Variants in PTPRD observed in about 807,000 individuals in gnomAD.
PTPRD encodes receptor-type tyrosine-protein phosphatase delta.
Under a neutral mutation model 214.5 loss-of-function variants are expected in PTPRD, and 34 were observed. The ratio of observed to expected loss-of-function variants is 0.16; its 90% CI spans 0.12 to 0.21. PTPRD has a LOEUF of 0.21. PTPRD is among the 10% of genes least tolerant of loss of function. The pLI, the probability that PTPRD is intolerant of heterozygous loss-of-function variation, is 1.00. For missense variants in PTPRD, 2,545 were observed against 2,398.7 expected, an observed-to-expected ratio of 1.06 and a Z score of -1.27; for synonymous variants, 1,128 against 845.7, an observed-to-expected ratio of 1.33 and a Z score of -5.79.
intron 2 of PTPRD, among the ~76,000 whole-genome samples, chr9:10,543,329 C>A (rs2059525461): frequency 6.6e-6 from 1 of 151,892 alleles, no homozygotes; most frequent in South Asian, 2.1e-4. Flanking sequence ...TCGGAGACAC[C>A]TTTATAACAA....
intron 3 of PTPRD, among the ~76,000 whole-genome samples, chr9:10,138,934 T>G (rs182406916): frequency 8.3e-4 from 126 of 152,028 alleles, no homozygotes; most frequent in Non-Finnish European, 1.6e-3. Context: ...AACCTATAGC[T>G]AATATCACAC....
At chr9:10,579,643 T>G (rs2070952189) in intron 2 of PTPRD, among the ~76,000 whole-genome samples, 1 of 152,194 alleles carries the variant, frequency 6.6e-6, no homozygotes, top group Non-Finnish European at 1.5e-5. Flanking sequence ...GTAATGGGAT[T>G]GCTGGGTCAA....
At chr9:9,379,885 A>C (rs921449676) in intron 9 of PTPRD, among the ~76,000 whole-genome samples, 1 of 151,948 alleles carries the variant, frequency 6.6e-6, no homozygotes, top group African/African-American at 2.4e-5. Flanking sequence ...AACCTTGTAT[A>C]TGGAATCTTG....
At chr9:9,734,847 G>C (rs972784372) in intron 6 of PTPRD, among the ~76,000 whole-genome samples, 1 of 151,988 alleles carries the variant, frequency 6.6e-6, no homozygotes, top group East Asian at 1.9e-4. Flanking sequence ...TAATTATTTG[G>C]TTAATTCTTT....
At chr9:9,852,639 TTATAAA>T (rs1467534256) in intron 5 of PTPRD, among the ~76,000 whole-genome samples, 1 of 152,152 alleles carries the variant, frequency 6.6e-6, no homozygotes, top group African/African-American at 2.4e-5. Flanking sequence ...TATATTGTCT[TTATAAA>T]TAAGATAAAG....
At chr9:9,902,790 C>G (rs1444914751) in intron 5 of PTPRD, among the ~76,000 whole-genome samples, 2 of 152,066 alleles carry the variant, frequency 1.3e-5, no homozygotes, top group African/African-American at 2.4e-5. Flanking sequence ...TGAGCTAGAG[C>G]TCATCTTTCA....
intron 3 of PTPRD, among the ~76,000 whole-genome samples, chr9:10,204,473 T>C (rs2099456217): frequency 6.6e-6 from 1 of 152,182 alleles, no homozygotes; most frequent in Admixed American, 6.5e-5. Context: ...TTCCAGTGAA[T>C]GGAATTTCCG....
At chr9:9,183,720 C>A (rs2099929625) in intron 9 of PTPRD, among the ~76,000 whole-genome samples, 1 of 151,988 alleles carries the variant, frequency 6.6e-6, no homozygotes, top group African/African-American at 2.4e-5. Flanking sequence ...TTGCATCCTA[C>A]AATTACATAA....
intron 5 of PTPRD, among the ~76,000 whole-genome samples, chr9:9,915,284 C>G (rs374985633): frequency 1.3e-5 from 2 of 151,772 alleles, no homozygotes; most frequent in East Asian, 3.9e-4. Flanking sequence ...TACTTTTCTA[C>G]CAAATGCATG....
intron 4 of PTPRD, among the ~76,000 whole-genome samples, chr9:9,975,225 A>T (rs570741555): frequency 8.6e-5 from 13 of 152,044 alleles, no homozygotes; most frequent in East Asian, 1.9e-4. Flanking sequence ...ATATCCATGG[A>T]CTCCTTTATT....
At chr9:10,540,535 T>C (rs2058871524) in intron 2 of PTPRD, among the ~76,000 whole-genome samples, 1 of 152,232 alleles carries the variant, frequency 6.6e-6, no homozygotes, top group Admixed American at 6.5e-5. Flanking sequence ...TTGGAGTTTT[T>C]AACCAATATT....
chr9:10,316,445 G>A (rs562294896), intron 3 of PTPRD, among the ~76,000 whole-genome samples: 1 of 151,712 alleles, frequency 6.6e-6, no homozygotes, highest in South Asian at 2.1e-4. Flanking sequence ...GCATGAGTGG[G>A]TTATGTATTA....
intron 9 of PTPRD, among the ~76,000 whole-genome samples, chr9:9,186,355 G>A (rs1360298117): frequency 6.6e-6 from 1 of 152,026 alleles, no homozygotes; most frequent in Non-Finnish European, 1.5e-5. Flanking sequence ...GCGAAGATCT[G>A]TCCATGGTGG....
At chr9:9,088,757 T>C (rs993780339) in intron 10 of PTPRD, among the ~76,000 whole-genome samples, 5 of 152,088 alleles carry the variant, frequency 3.3e-5, no homozygotes, top group African/African-American at 1.2e-4. Flanking sequence ...TTAGTATTTG[T>C]GGAGGCTCTG....
intron 8 of PTPRD, among the ~76,000 whole-genome samples, chr9:9,564,959 T>A (rs914381245): frequency 2.1e-5 from 3 of 145,828 alleles, no homozygotes; most frequent in African/African-American, 7.5e-5. Flanking sequence ...TACTATTTGC[T>A]TCATAAAGAT....
chr9:9,873,799 G>A (rs1037689628), intron 5 of PTPRD, among the ~76,000 whole-genome samples: 3 of 152,048 alleles, frequency 2.0e-5, no homozygotes, highest in Non-Finnish European at 4.4e-5. Flanking sequence ...AGCAGCATAA[G>A]TTACAGAAGC....
intron 3 of PTPRD, among the ~76,000 whole-genome samples, chr9:10,123,359 G>A (rs1283592301): frequency 6.6e-6 from 1 of 152,160 alleles, no homozygotes; most frequent in Non-Finnish European, 1.5e-5. Flanking sequence ...AGATTTTCTA[G>A]ACTGCTATTT....
At chr9:8,346,005 C>T (rs959609178) in intron 39 of PTPRD, among the ~76,000 whole-genome samples, 1 of 151,992 alleles carries the variant, frequency 6.6e-6, no homozygotes, top group African/African-American at 2.4e-5. Flanking sequence ...TTTTTCAGCA[C>T]AAGTGGAGAT....
At chr9:10,199,075 G>T (rs1564474305) in intron 3 of PTPRD, among the ~76,000 whole-genome samples, 1 of 150,544 alleles carries the variant, frequency 6.6e-6, no homozygotes, top group African/African-American at 2.4e-5. Flanking sequence ...TTTTCTTCAG[G>T]CTTTCAAATC....
Sources: gnomAD v4.1 joint callset for allele counts (sites outside exome capture counted in the v4.1 genomes callset) on GRCh38, gnomAD v4.1.1 for gene constraint, MANE v1.5 for transcripts, NCBI Gene and HGNC (gene_info 2026-07-23, HGNC 2026-07-21) for gene names.